SRPK2: variants seen among roughly 807,000 people sequenced by gnomAD.
SRPK2 encodes the protein SFRS protein kinase 2.
SRPK2 carries 21 observed loss-of-function variants against 90.8 expected under a neutral mutation model. The ratio of observed to expected loss-of-function variants is 0.23; its 90% CI spans 0.16 to 0.33. The LOEUF is 0.33. Among genes scored for constraint, SRPK2 ranks in the 10% least tolerant of loss-of-function variants. SRPK2 has a pLI of 1.00. For synonymous variants in SRPK2, 288 were observed against 311.1 expected (o/e 0.93, Z 0.78); for missense variants, 620 against 869.0 (o/e 0.71, Z 3.60).
chr7:105,179,076 C>T (rs2129596266), intron 3 of SRPK2, among the ~76,000 whole-genome samples: 1 of 152,112 alleles, frequency 6.6e-6, no homozygotes, highest in South Asian at 2.1e-4. Context: ...GCAGTGAAAT[C>T]ACACAGATTA....
intron 2 of SRPK2, among the ~76,000 whole-genome samples, chr7:105,224,278 G>C (rs1798449708): frequency 6.6e-6 from 1 of 151,988 alleles, no homozygotes; most frequent in African/African-American, 2.4e-5. Flanking sequence ...TTTTGTTAGA[G>C]TTACTGTTAG....
chr7:105,296,436 G>GA (rs1178595096), intron 2 of SRPK2, among the ~76,000 whole-genome samples: 1 of 151,624 alleles, frequency 6.6e-6, no homozygotes, highest in East Asian at 1.9e-4. Context: ...AACACAAAAG[G>GA]AAAAAAATGT....
At position 105,117,546 on chromosome 7, in the gene SRPK2, CA is replaced by C. The variant is rs942262688; in HGVS notation, c.*291del. ...CACAAAGGGGAAAGTATTTTTCATT[CA>C]AAAAAATGACATTTGAATGTCACAC... On this transcript the variant is annotated 3_prime_UTR_variant, in exon 16 of 16. Transcript: ENST00000393651. The C allele has an allele frequency of 2.1e-5, 7 of 335,948 alleles. No homozygotes were observed. Among genetic ancestry groups the C allele is most frequent in the South Asian group, 1.1e-4 (2 of 18,588 alleles). The allele number at this position is 335,948 out of a possible 1,614,324, so 20.8% of individuals were successfully genotyped here. A position where few individuals can be genotyped will look rare whatever the true frequency, so the allele number is the denominator to read the frequency against.
chr7:105,314,539 A>G (rs1479014584), intron 2 of SRPK2, among the ~76,000 whole-genome samples: 1 of 151,872 alleles, frequency 6.6e-6, no homozygotes, highest in Non-Finnish European at 1.5e-5. Context: ...GTGCACCATC[A>G]CGCCCGGCCA....
In SRPK2 at chr7:105,205,517, TCACACACACACACACA is replaced by T. The variant is rs543121144; in HGVS notation, c.72-1748_72-1733del. ...TTCATTCTCTCTCTCTCTCTCTCTC[TCACACACACACACACA>T]CACACACACACACACACACACACAC... On this transcript the variant is annotated intron_variant, in intron 2 of 15. Coordinates refer to ENST00000393651, the MANE Select transcript of SRPK2 (RefSeq NM_182692.3). 9.7e-3 allele frequency among the ~76,000 whole-genome samples: 932 copies of T among 95,848 alleles called. 2 individuals carry two copies. Among genetic ancestry groups the T allele is most frequent in the South Asian group, 0.027 (68 of 2,478 alleles). 62.9% of individuals were successfully genotyped at this position (95,848 alleles called of 152,430 possible). A position where few individuals can be genotyped will look rare whatever the true frequency, so the allele number is the denominator to read the frequency against.
At chr7:105,232,151 C>G (rs186135816) in intron 2 of SRPK2, among the ~76,000 whole-genome samples, 1 of 152,298 alleles carries the variant, frequency 6.6e-6, no homozygotes, top group African/African-American at 2.4e-5. Flanking sequence ...CCACCACACC[C>G]AGACTAAAAT....
At chr7:105,138,953 C>T (rs1803288443) in intron 11 of SRPK2, among the ~76,000 whole-genome samples, 1 of 152,180 alleles carries the variant, frequency 6.6e-6, no homozygotes. Context: ...TGTCTGTGTA[C>T]ACAAAGTATA....
intron 13 of SRPK2, 76 bp from the exon 14 acceptor site, chr7:105,127,138 G>C: frequency 7.3e-7 from 1 of 1,378,262 alleles, no homozygotes. Context: ...CCTTATAGAA[G>C]AGACCGCCAC....
intron 2 of SRPK2, among the ~76,000 whole-genome samples, chr7:105,280,687 C>T (rs183596118): frequency 0.011 from 1,684 of 150,830 alleles, 43 homozygotes; most frequent in African/African-American, 0.039. Context: ...GTGGCTCACC[C>T]CTGTAATCCT....
intron 2 of SRPK2, among the ~76,000 whole-genome samples, chr7:105,246,298 C>A (rs961482921): frequency 6.6e-5 from 10 of 152,136 alleles, no homozygotes; most frequent in Non-Finnish European, 1.3e-4. Flanking sequence ...CCTCACCCTG[C>A]AACATTTTAC....
At chr7:105,226,415 CG>C (rs1363682617) in intron 2 of SRPK2, among the ~76,000 whole-genome samples, 3 of 152,042 alleles carry the variant, frequency 2.0e-5, no homozygotes, top group African/African-American at 7.2e-5. Context: ...CTCAGCCTCT[CG>C]AGTAGCTGGG....
chr7:105,302,254 TATTAA>T (rs1199229092), intron 2 of SRPK2, among the ~76,000 whole-genome samples: 18 of 152,256 alleles, frequency 1.2e-4, no homozygotes, highest in African/African-American at 4.1e-4. Flanking sequence ...GATCCAGTTG[TATTAA>T]ATTATTTTCA....
chr7:105,181,409 C>G (rs962207651), intron 3 of SRPK2, among the ~76,000 whole-genome samples: 1 of 152,168 alleles, frequency 6.6e-6, no homozygotes, highest in Non-Finnish European at 1.5e-5. Flanking sequence ...TAAAGACACA[C>G]GCACGCACGT....
chr7:105,298,894 T>G (rs1384936040), intron 2 of SRPK2: 1 of 587,904 alleles, frequency 1.7e-6, no homozygotes, highest in Non-Finnish European at 2.1e-6. Flanking sequence ...CGCCTCATAC[T>G]CTGTTCAGCT....
intron 15 of SRPK2, among the ~76,000 whole-genome samples, chr7:105,122,041 G>C (rs567074128): frequency 9.2e-5 from 14 of 152,244 alleles, no homozygotes; most frequent in African/African-American, 3.1e-4. Flanking sequence ...CCAATACAAA[G>C]CAAGAGACAA....
Position 105,308,773 on chromosome 7 carries a change from G to T in SRPK2, c.71+79875C>A, listed in dbSNP as rs151015224. On this transcript the variant is annotated intron_variant, in intron 2 of 15. Coordinates refer to ENST00000393651, the MANE Select transcript of SRPK2 (RefSeq NM_182692.3). Reference sequence around the variant, plus strand: ...CATAGTAGCTTATTAAGAGGATATTGTCAGCCACAGTATCACAGTTTCATA... The same window carrying T: ...CATAGTAGCTTATTAAGAGGATATTTTCAGCCACAGTATCACAGTTTCATA... Among the ~76,000 whole-genome samples, 286 of 152,246 alleles carry T rather than the reference G, an allele frequency of 1.9e-3. 2 individuals are homozygous for T. Among genetic ancestry groups the T allele is most frequent in the Non-Finnish European group, 2.0e-3 (133 of 68,018 alleles).
chr7:105,227,230 T>C (rs1267342122), intron 2 of SRPK2, among the ~76,000 whole-genome samples: 3 of 152,194 alleles, frequency 2.0e-5, no homozygotes, highest in African/African-American at 7.2e-5. Flanking sequence ...AGGTAGTATA[T>C]GGTTACATGA....
intron 2 of SRPK2, among the ~76,000 whole-genome samples, chr7:105,226,906 C>T (rs1241269702): frequency 6.6e-6 from 1 of 152,110 alleles, no homozygotes; most frequent in Non-Finnish European, 1.5e-5. Context: ...CACACAACTG[C>T]ACTCCAGCCT....
At chr7:105,283,035 C>CA (rs1807549880) in intron 2 of SRPK2, among the ~76,000 whole-genome samples, 1 of 152,086 alleles carries the variant, frequency 6.6e-6, no homozygotes, top group African/African-American at 2.4e-5. Flanking sequence ...AATAAGCACA[C>CA]AAAAAGATGC....
Sources: allele counts gnomAD v4.1 joint callset (sites outside exome capture counted in the v4.1 genomes callset), GRCh38; gene constraint gnomAD v4.1.1; transcripts MANE v1.5; gene names NCBI Gene and HGNC (gene_info 2026-07-23, HGNC 2026-07-21).